VTCN1: variants seen among roughly 807,000 people sequenced by gnomAD.
VTCN1 encodes the protein V-set domain containing T cell activation inhibitor 1.
Under a neutral mutation model 26.5 loss-of-function variants are expected in VTCN1, and 26 were observed. That is an observed-to-expected ratio of 0.98 (90% CI 0.72 to 1.36). The LOEUF is 1.36. Ranked by LOEUF, VTCN1 falls within the 40% of genes most tolerant of loss-of-function variation. VTCN1 has a pLI of 0.00. For missense variants in VTCN1, 298 were observed against 337.7 expected (o/e 0.88, Z 0.92); for synonymous variants, 116 against 130.7 (o/e 0.89, Z 0.77).
chr1:117,178,588 G>GTTTTTTT (rs10657719), intron 1 of VTCN1, among the ~76,000 whole-genome samples: 19 of 88,254 alleles, frequency 2.2e-4, no homozygotes, highest in African/African-American at 2.9e-4. Context: ...TCTTTCTTTC[G>GTTTTTTT]TTTTTTTTTT....
chr1:117,161,394 C>T lies in VTCN1; in HGVS notation c.98-4473G>A, dbSNP rs7512111. ...CAGATGGCAGCCCTCCCATGAAATCCTCTTTTAATTCACCAAAGGAAAAAT... is the reference window on the plus strand; with the variant it reads ...CAGATGGCAGCCCTCCCATGAAATCTTCTTTTAATTCACCAAAGGAAAAAT... On this transcript the variant is annotated intron_variant, in intron 2 of 5. Coordinates refer to ENST00000369458, the MANE Select transcript of VTCN1 (RefSeq NM_024626.4). The surrounding 1 kb of genome is among the most constrained non-coding windows in gnomAD (Gnocchi z 4.3). Among the ~76,000 whole-genome samples the T allele has an allele frequency of 0.14, 20,745 of 152,126 alleles. 2,332 individuals carry two copies. The highest frequency in any genetic ancestry group is 0.31 in the African/African-American group (12,953 of 41,448).
chr1:117,192,850 AAAG>A, intron 1 of VTCN1, among the ~76,000 whole-genome samples: 1 of 152,336 alleles, frequency 6.6e-6, no homozygotes, highest in East Asian at 1.9e-4. Flanking sequence ...AGACAGAAGG[AAAG>A]AAACTTCAGA....
At chr1:117,173,914 C>G (rs527573334) in intron 1 of VTCN1, among the ~76,000 whole-genome samples, 1 of 152,184 alleles carries the variant, frequency 6.6e-6, no homozygotes, top group Admixed American at 6.5e-5. Context: ...GTGAAAACAA[C>G]CCTGCCATCT....
rs1267517673 is a variant in VTCN1 at position 117,159,341 on chromosome 1, T to C, written c.98-2420A>G. Among the ~76,000 whole-genome samples, 3 of 152,186 alleles carry C rather than the reference T, an allele frequency of 2.0e-5. No individual in the cohort carries two copies. The highest frequency in any genetic ancestry group is 1.9e-4 in the East Asian group (1 of 5,202). On this transcript the variant is annotated intron_variant, in intron 2 of 5. Coordinates refer to ENST00000369458, the MANE Select transcript of VTCN1 (RefSeq NM_024626.4). The surrounding 1 kb of genome is among the most constrained non-coding windows in gnomAD (Gnocchi z 4.7). ...CGGGAGGTGAAAGGCACTTCTTACA[T>C]GGCAGTGGCAAGAGAAAATGAGAAA...
intron 2 of VTCN1, among the ~76,000 whole-genome samples, chr1:117,163,089 A>C (rs1652451789): frequency 6.6e-6 from 1 of 152,236 alleles, no homozygotes; most frequent in South Asian, 2.1e-4. Context: ...CCTTGGGGTC[A>C]AACCTGTGAG....
At chr1:117,187,049 G>A (rs1345996332) in intron 1 of VTCN1, among the ~76,000 whole-genome samples, 2 of 151,960 alleles carry the variant, frequency 1.3e-5, no homozygotes, top group South Asian at 4.2e-4. Context: ...CACTTTAGGA[G>A]GCCAAGGCAG....
intron 2 of VTCN1, among the ~76,000 whole-genome samples, chr1:117,165,930 G>GA (rs1462418969): frequency 5.3e-5 from 8 of 152,182 alleles, no homozygotes; most frequent in Non-Finnish European, 4.4e-5. Context: ...AGAGGCAATT[G>GA]AAAAAATCCA....
intron 4 of VTCN1, among the ~76,000 whole-genome samples, chr1:117,150,745 TCTATA>T (rs1185502003): frequency 5.9e-5 from 9 of 152,316 alleles, no homozygotes; most frequent in Admixed American, 2.6e-4. Flanking sequence ...AATCTGAAAC[TCTATA>T]CTCATTAAAC....
rs1291822145 is a variant in VTCN1, at chr1:117,167,098, A to C, written c.97+3009T>G. ...ACAGAGCAAGACTGTCTCAAAAAAA[A>C]AAAAAAGAATATATATGTATGTAAA... is the stretch of plus-strand genomic sequence containing the variant. On this transcript the variant is annotated intron_variant, in intron 2 of 5. Transcript: ENST00000369458. The surrounding 1 kb of genome is among the most constrained non-coding windows in gnomAD (Gnocchi z 4.1). Among the ~76,000 whole-genome samples, 1 of 152,106 alleles carries C rather than the reference A, an allele frequency of 6.6e-6. No homozygotes were observed. Among genetic ancestry groups the C allele is most frequent in the Non-Finnish European group, 1.5e-5 (1 of 68,026 alleles).
chr1:117,203,462 G>C (rs1406437654), intron 1 of VTCN1, among the ~76,000 whole-genome samples: 1 of 150,798 alleles, frequency 6.6e-6, no homozygotes, highest in Admixed American at 6.6e-5. Context: ...GAAAAAGAAA[G>C]AGGAAAAACT....
At chr1:117,191,173 G>GA (rs966080993) in intron 1 of VTCN1, among the ~76,000 whole-genome samples, 1 of 151,746 alleles carries the variant, frequency 6.6e-6, no homozygotes, top group Non-Finnish European at 1.5e-5. Flanking sequence ...GATCATACAA[G>GA]AAAAAAAATC....
At chr1:117,173,404 A>G in intron 1 of VTCN1, 1 of 433,616 alleles carries the variant, frequency 2.3e-6, no homozygotes, top group Non-Finnish European at 4.1e-6. Flanking sequence ...CCATGTAAAG[A>G]TGAAAGCAGA....
intron 2 of VTCN1, among the ~76,000 whole-genome samples, chr1:117,168,113 G>A (rs1022131632): frequency 4.6e-5 from 7 of 151,620 alleles, no homozygotes; most frequent in African/African-American, 1.7e-4. Flanking sequence ...CAGAAACATA[G>A]GAAATCAATA....
chr1:117,180,691 T>A lies in VTCN1; in HGVS notation c.33-10520A>T, dbSNP rs182831983. Among the ~76,000 whole-genome samples, 4 of 152,350 alleles carry A rather than the reference T, an allele frequency of 2.6e-5. No homozygotes were observed. In the East Asian group the frequency reaches 7.7e-4, roughly 29 times the overall value. On this transcript the variant is annotated intron_variant, in intron 1 of 5. Transcript: ENST00000369458. ...TCACAGCACCTGGGTGGGATCTGGC[T>A]GCTAATGAACACTTCTTTTCATGGT...
At chr1:117,171,597 C>A (rs992150129) in intron 1 of VTCN1, among the ~76,000 whole-genome samples, 8 of 152,254 alleles carry the variant, frequency 5.3e-5, no homozygotes, top group Admixed American at 2.6e-4. Context: ...CAAATGACAC[C>A]CGGGAAACTA....
At position 117,156,922 on chromosome 1, in the gene VTCN1, C is replaced by T; in HGVS notation, c.98-1G>A. ...GTAGTGACTGTGATGGAGTGTCTCCCTGCAGTTCAGGAAGCAAAGATCAAT... is the reference window on the plus strand; with the variant it reads ...GTAGTGACTGTGATGGAGTGTCTCCTTGCAGTTCAGGAAGCAAAGATCAAT... On this transcript the variant is annotated splice_acceptor_variant, in intron 2 of 5. Coordinates refer to ENST00000369458, the MANE Select transcript of VTCN1 (RefSeq NM_024626.4). LOFTEE classifies it high-confidence loss of function. 1 of 1,613,994 alleles carries T rather than the reference C, an allele frequency of 6.2e-7. No homozygotes were observed. The highest frequency in any genetic ancestry group is 2.2e-5 in the East Asian group (1 of 44,874).
intron 1 of VTCN1, chr1:117,172,320 A>G (rs908285896): frequency 1.9e-6 from 1 of 518,132 alleles, no homozygotes; most frequent in African/African-American, 1.9e-5. Flanking sequence ...TGCAGCCACA[A>G]GGCAGCAAGC....
chr1:117,196,113 C>A (rs1164935362), intron 1 of VTCN1, among the ~76,000 whole-genome samples: 1 of 152,122 alleles, frequency 6.6e-6, no homozygotes, highest in African/African-American at 2.4e-5. Flanking sequence ...GATAGTACCA[C>A]TGCACTCCAG....
intron 2 of VTCN1, among the ~76,000 whole-genome samples, chr1:117,164,583 C>A (rs1478745189): frequency 6.6e-6 from 1 of 152,178 alleles, no homozygotes; most frequent in African/African-American, 2.4e-5. Flanking sequence ...GTTTATCACA[C>A]ACAGGTGTGT....
Sources: allele counts gnomAD v4.1 joint callset (sites outside exome capture counted in the v4.1 genomes callset), GRCh38; gene constraint gnomAD v4.1.1; non-coding constraint Gnocchi (gnomAD v3.1); transcripts MANE v1.5; gene names NCBI Gene and HGNC (gene_info 2026-07-23, HGNC 2026-07-21).